Variants in ITSN1 observed in about 807,000 individuals in gnomAD.
ITSN1 encodes the protein intersectin 1, also known as intersectin-1.
In ITSN1, 58 loss-of-function variants were observed where a neutral mutation model predicts 239.8. The ratio of observed to expected loss-of-function variants is 0.24; its 90% confidence interval spans 0.20 to 0.30. The LOEUF (loss-of-function observed/expected upper bound fraction) is 0.30, where lower values mean the gene tolerates loss of function less well. Ranked by LOEUF, ITSN1 falls within the 10% of genes least tolerant of loss-of-function variation. ITSN1 has a pLI of 1.00. For missense variants in ITSN1, 1,558 were observed against 2,103.3 expected, an observed-to-expected ratio of 0.74 and a Z score of 5.07; for synonymous variants, 780 against 770.8, an observed-to-expected ratio of 1.01 and a Z score of -0.20.
intron 39 of ITSN1, among the ~76,000 whole-genome samples, chr21:33,887,943 GTT>G (rs11319527): frequency 2.2e-3 from 329 of 148,986 alleles, no homozygotes; most frequent in South Asian, 8.9e-3. Context: ...TTGGGGTTGG[GTT>G]TTTTTTTTTA....
chr21:33,806,688 T>G (rs1289936546), intron 20 of ITSN1, among the ~76,000 whole-genome samples: 1 of 152,254 alleles, frequency 6.6e-6, no homozygotes, highest in African/African-American at 2.4e-5. Context: ...TTCGCTTAAA[T>G]GATGTTTCAC....
rs186244145 is a variant in ITSN1, at chr21:33,838,094, A to G, written c.3661+1462A>G. The G allele has an allele frequency of 9.1e-4, 893 of 985,736 alleles. 1 individual carries two copies. Among genetic ancestry groups the G allele is most frequent in the Non-Finnish European group, 1.1e-3 (873 of 829,912 alleles). 61.1% of individuals were successfully genotyped at this position (985,736 alleles called of 1,614,324 possible). A position where few individuals can be genotyped will look rare whatever the true frequency, so the allele number is the denominator to read the frequency against. Reference sequence around the variant, plus strand: ...TACAGATTAATATGAAATGGAGCTCATGGTCCGTTTGTGTGTTAGATATGC... The same window carrying G: ...TACAGATTAATATGAAATGGAGCTCGTGGTCCGTTTGTGTGTTAGATATGC... On this transcript the variant is annotated intron_variant, in intron 29 of 39. Transcript: ENST00000381318.
intron 34 of ITSN1, among the ~76,000 whole-genome samples, chr21:33,878,019 TGTGTG>T (rs1402885265): frequency 6.0e-4 from 43 of 72,126 alleles, no homozygotes; most frequent in African/African-American, 1.4e-3. Context: ...TGTGTGTGTG[TGTGTG>T]TGTGTGTGTG....
intron 7 of ITSN1, among the ~76,000 whole-genome samples, chr21:33,752,729 T>A (rs891953421): frequency 2.6e-5 from 4 of 151,682 alleles, no homozygotes; most frequent in Non-Finnish European, 5.9e-5. Flanking sequence ...ATACAAAAAT[T>A]TAAAAATGAG....
At chr21:33,704,328 T>G (rs1195734544) in intron 1 of ITSN1, among the ~76,000 whole-genome samples, 1 of 152,198 alleles carries the variant, frequency 6.6e-6, no homozygotes, top group Non-Finnish European at 1.5e-5. Flanking sequence ...TTGGTTTATC[T>G]TTCTTCTTTC....
chr21:33,684,431 A>G (rs1031279434), intron 1 of ITSN1, among the ~76,000 whole-genome samples: 9 of 152,216 alleles, frequency 5.9e-5, no homozygotes, highest in African/African-American at 1.9e-4. Context: ...GTGGAATAGC[A>G]TGATTAATGA....
chr21:33,742,155 C>T (rs981021699), intron 5 of ITSN1, among the ~76,000 whole-genome samples: 7 of 150,370 alleles, frequency 4.7e-5, no homozygotes, highest in Non-Finnish European at 1.0e-4. Flanking sequence ...TTCCTGGGTT[C>T]AAGCGATTGT....
At chr21:33,671,075 T>C (rs1201163484) in intron 1 of ITSN1, among the ~76,000 whole-genome samples, 2 of 152,220 alleles carry the variant, frequency 1.3e-5, no homozygotes, top group African/African-American at 4.8e-5. Flanking sequence ...TTCCCCTACA[T>C]TACTATCTAG....
chr21:33,840,086 TGTC>T (rs773379151), intron 29 of ITSN1, among the ~76,000 whole-genome samples: 1 of 152,212 alleles, frequency 6.6e-6, no homozygotes, highest in Admixed American at 6.5e-5. Flanking sequence ...CCTAAGCTCA[TGTC>T]GTGTATCTGC....
chr21:33,809,500 C>T (rs2072734221), intron 20 of ITSN1, among the ~76,000 whole-genome samples: 1 of 152,210 alleles, frequency 6.6e-6, no homozygotes, highest in South Asian at 2.1e-4. Context: ...CCCTATTACT[C>T]ACTGTCCACT....
chr21:33,844,734 G>A (rs1271812496), intron 29 of ITSN1, among the ~76,000 whole-genome samples: 1 of 152,102 alleles, frequency 6.6e-6, no homozygotes, highest in Non-Finnish European at 1.5e-5. Flanking sequence ...CCCCAGCAGA[G>A]GGGACCAGGC....
chr21:33,659,139 A>G lies in ITSN1; in HGVS notation c.-33+16426A>G, dbSNP rs539911619. Among the ~76,000 whole-genome samples, 3 of 152,344 alleles carry G rather than the reference A, an allele frequency of 2.0e-5. No individual in the cohort carries two copies. The East Asian group carries it at 5.8e-4, about 29-fold the overall frequency. On this transcript the variant is annotated intron_variant, in intron 1 of 39. Coordinates refer to ENST00000381318, the MANE Select transcript of ITSN1 (RefSeq NM_003024.3). ...GTCAGTGATCTACTTAATCATGCCTATGCAATGAAATTGCAAACGAAAGCC... is the reference window on the plus strand; with the variant it reads ...GTCAGTGATCTACTTAATCATGCCTGTGCAATGAAATTGCAAACGAAAGCC...
In ITSN1 at chr21:33,893,258, A is replaced by G. The variant is rs567195506; in HGVS notation, c.*4958A>G. 6.6e-6 allele frequency: 1 copy of G among 152,290 alleles called. No homozygotes were observed. Among genetic ancestry groups the G allele is most frequent in the East Asian group, 1.9e-4 (1 of 5,184 alleles). 9.4% of individuals were successfully genotyped at this position (152,290 alleles called of 1,614,324 possible). A position where few individuals can be genotyped will look rare whatever the true frequency, so the allele number is the denominator to read the frequency against. On this transcript the variant is annotated 3_prime_UTR_variant, in exon 40 of 40. Transcript: ENST00000381318. ...TTTTATTCTATTTTGAATGGTTCCGATCAATTAATGTTGCTTTGTGTGGGG... is the reference window on the plus strand; with the variant it reads ...TTTTATTCTATTTTGAATGGTTCCGGTCAATTAATGTTGCTTTGTGTGGGG...
intron 20 of ITSN1, among the ~76,000 whole-genome samples, chr21:33,808,086 C>T (rs2072603959): frequency 6.6e-6 from 1 of 151,846 alleles, no homozygotes; most frequent in African/African-American, 2.4e-5. Flanking sequence ...ACTCGGGAGG[C>T]TGAGGCAGGA....
rs2073807433 is a variant in ITSN1, at chr21:33,823,478, C to G, written c.3017-9C>G. 2 of 1,610,388 alleles carry G rather than the reference C, an allele frequency of 1.2e-6. No homozygotes were observed. The highest frequency in any genetic ancestry group is 1.3e-5 in the African/African-American group (1 of 74,806). On this transcript the variant is annotated splice_polypyrimidine_tract_variant and intron_variant, in intron 24 of 39. Transcript: ENST00000381318. ...GCTCTCTCCGTATCTCAATATTTCT[C>G]CCCACCAGAATTTATTGCCATGTAC...
chr21:33,834,899 G>C (rs1337741977), intron 28 of ITSN1, among the ~76,000 whole-genome samples: 2 of 152,176 alleles, frequency 1.3e-5, no homozygotes, highest in Non-Finnish European at 1.5e-5. Flanking sequence ...GTGGGCAGAG[G>C]GGGCTTCGCT....
intron 1 of ITSN1, among the ~76,000 whole-genome samples, chr21:33,682,461 C>T (rs967757962): frequency 4.6e-5 from 7 of 151,208 alleles, no homozygotes; most frequent in South Asian, 2.1e-4. Context: ...GTGATCCACC[C>T]GCCTCGGCCT....
At chr21:33,754,862 T>G (rs754661685) in intron 7 of ITSN1, among the ~76,000 whole-genome samples, 4 of 152,222 alleles carry the variant, frequency 2.6e-5, no homozygotes, top group Non-Finnish European at 5.9e-5. Context: ...TATAGAAAGT[T>G]AAAACATTTT....
chr21:33,785,444 T>C (rs1054832202), intron 16 of ITSN1, among the ~76,000 whole-genome samples: 5 of 148,686 alleles, frequency 3.4e-5, no homozygotes, highest in Admixed American at 3.3e-4. Flanking sequence ...GTCAAAAAAC[T>C]AAATACACTT....
Sources: gnomAD v4.1 joint callset for allele counts (sites outside exome capture counted in the v4.1 genomes callset) on GRCh38, gnomAD v4.1.1 for gene constraint, MANE v1.5 for transcripts, NCBI Gene and HGNC (gene_info 2026-07-23, HGNC 2026-07-21) for gene names.